PTPRN2: variants seen among roughly 807,000 people sequenced by gnomAD.
PTPRN2 encodes the protein protein tyrosine phosphatase receptor type N2, also known as receptor-type tyrosine-protein phosphatase N2.
In PTPRN2, 74 loss-of-function variants were observed where a neutral mutation model predicts 118.8. The observed-to-expected ratio is 0.62, with a 90% CI of 0.52 to 0.76. PTPRN2 has a LOEUF of 0.76. PTPRN2 is among the 30% of genes least tolerant of loss of function. PTPRN2 has a pLI of 0.00. For synonymous variants in PTPRN2, 641 were observed against 608.0 expected, an observed-to-expected ratio of 1.05 and a Z score of -0.80; for missense variants, 1,481 against 1,394.4, an observed-to-expected ratio of 1.06 and a Z score of -0.99.
intron 6 of PTPRN2, among the ~76,000 whole-genome samples, chr7:158,166,721 G>A (rs772736673): frequency 3.9e-5 from 6 of 152,190 alleles, no homozygotes; most frequent in East Asian, 1.9e-4. Flanking sequence ...TTCCCAGGAC[G>A]TGAAATGACC....
At chr7:158,159,324 C>T (rs1822150337) in intron 6 of PTPRN2, among the ~76,000 whole-genome samples, 1 of 152,274 alleles carries the variant, frequency 6.6e-6, no homozygotes, top group African/African-American at 2.4e-5. Context: ...GAGTGCACTT[C>T]CCACATGAAC....
chr7:157,610,066 G>A lies in PTPRN2; in HGVS notation c.2345-5991C>T, dbSNP rs962021273. Among the ~76,000 whole-genome samples the A allele has an allele frequency of 3.3e-5, 5 of 152,178 alleles. No individual in the cohort carries two copies. Among genetic ancestry groups the A allele is most frequent in the Non-Finnish European group, 5.9e-5 (4 of 68,030 alleles). On this transcript the variant is annotated intron_variant, in intron 15 of 22. Coordinates refer to ENST00000389418, the MANE Select transcript of PTPRN2 (RefSeq NM_002847.5). The surrounding 1 kb of genome is among the most constrained non-coding windows in gnomAD (Gnocchi z 5.1). ...TCTTGCTACACAGATCCCTGAGGAC[G>A]GCATTCCCCCAGGCCTCCTGGCTTG...
rs993309888 is a variant in PTPRN2, at chr7:158,093,090, A to T, written c.1644-11713T>A. ...GGCTGAGAGCCTTCTGCGAGGCACG[A>T]GTATAAGTGTGAGACCCACACGCAG... is the stretch of plus-strand genomic sequence containing the variant. On this transcript the variant is annotated intron_variant, in intron 10 of 22. Coordinates refer to ENST00000389418, the MANE Select transcript of PTPRN2 (RefSeq NM_002847.5). The surrounding 1 kb of genome is among the most constrained non-coding windows in gnomAD (Gnocchi z 4.4). Among the ~76,000 whole-genome samples, 2 of 152,168 alleles carry T rather than the reference A, an allele frequency of 1.3e-5. No homozygotes were observed. Among genetic ancestry groups the T allele is most frequent in the African/African-American group, 4.8e-5 (2 of 41,432 alleles).
At chr7:157,577,910 C>G in intron 18 of PTPRN2, 111 bp downstream of exon 18, 1 of 1,359,176 alleles carries the variant, frequency 7.4e-7, no homozygotes. Context: ...GTGCGCTGAG[C>G]CTCCCTGCAT....
intron 12 of PTPRN2, among the ~76,000 whole-genome samples, chr7:157,832,511 C>A (rs962159383): frequency 2.0e-5 from 3 of 152,194 alleles, no homozygotes; most frequent in African/African-American, 7.2e-5. Context: ...TTCACCCACG[C>A]TTTGCCTGAC....
At chr7:157,661,470 CG>C (rs1252849989) in intron 13 of PTPRN2, among the ~76,000 whole-genome samples, 1 of 143,896 alleles carries the variant, frequency 6.9e-6, no homozygotes, top group Non-Finnish European at 1.6e-5. Flanking sequence ...CGCCTGGGAA[CG>C]GGGGCGGGTG....
At chr7:157,577,933 G>A in intron 18 of PTPRN2, 88 bp downstream of exon 18, 1 of 1,426,064 alleles carries the variant, frequency 7.0e-7, no homozygotes. Context: ...GGCCCTGGGG[G>A]GCCCTAACGA....
At chr7:158,149,905 G>T (rs1023749585) in intron 6 of PTPRN2, among the ~76,000 whole-genome samples, 2 of 151,106 alleles carry the variant, frequency 1.3e-5, no homozygotes, top group African/African-American at 4.9e-5. Context: ...AAAGTGGCAA[G>T]AATATATTTT....
chr7:158,134,224 T>C (rs1291258046), intron 8 of PTPRN2, among the ~76,000 whole-genome samples, 165 bp from the exon 9 acceptor site: 1 of 152,166 alleles, frequency 6.6e-6, no homozygotes, highest in Non-Finnish European at 1.5e-5. Flanking sequence ...TTTAGAATGA[T>C]GTCTAGCCGA....
chr7:158,128,620 C>T (rs556398019), intron 9 of PTPRN2, among the ~76,000 whole-genome samples: 7 of 152,286 alleles, frequency 4.6e-5, no homozygotes, highest in Non-Finnish European at 1.0e-4. Context: ...AGACAGGGGC[C>T]CTCCTGTCCT....
At chr7:158,150,150 C>T (rs1414104865) in intron 6 of PTPRN2, among the ~76,000 whole-genome samples, 2 of 152,222 alleles carry the variant, frequency 1.3e-5, no homozygotes, top group African/African-American at 2.4e-5. Context: ...CAATGCTGTT[C>T]CCTGCAGGCT....
At chr7:158,214,381 C>T (rs944240335) in intron 3 of PTPRN2, among the ~76,000 whole-genome samples, 9 of 146,520 alleles carry the variant, frequency 6.1e-5, no homozygotes, top group East Asian at 2.0e-4. Flanking sequence ...GGCCGCAATC[C>T]GGAAACACCA....
intron 12 of PTPRN2, among the ~76,000 whole-genome samples, chr7:157,841,415 G>T (rs1037921395): frequency 6.6e-6 from 1 of 152,190 alleles, no homozygotes; most frequent in South Asian, 2.1e-4. Flanking sequence ...CAAACTTACC[G>T]TATTGTACGT....
chr7:158,543,325 G>A (rs959583168), intron 1 of PTPRN2, among the ~76,000 whole-genome samples: 5 of 152,284 alleles, frequency 3.3e-5, no homozygotes, highest in East Asian at 1.9e-4. Flanking sequence ...GAGGGAAGCC[G>A]CCATCAGCTC....
intron 12 of PTPRN2, among the ~76,000 whole-genome samples, chr7:157,789,660 T>G (rs544946048): frequency 1.6e-5 from 2 of 121,550 alleles, no homozygotes; most frequent in East Asian, 4.9e-4. Flanking sequence ...GTGATATGTG[T>G]GTGTGGTATG....
At chr7:158,146,007 A>C (rs1410195385) in intron 6 of PTPRN2, among the ~76,000 whole-genome samples, 1 of 152,164 alleles carries the variant, frequency 6.6e-6, no homozygotes, top group African/African-American at 2.4e-5. Context: ...AATAAATTAT[A>C]ACTATTATCA....
intron 15 of PTPRN2, among the ~76,000 whole-genome samples, chr7:157,605,532 G>C (rs111473007): frequency 6.0e-4 from 91 of 152,334 alleles, no homozygotes; most frequent in African/African-American, 2.0e-3. Flanking sequence ...CCCACCATTC[G>C]ACAGGTCCTG....
At position 157,550,043 on chromosome 7, in the gene PTPRN2, G is replaced by T. The variant is rs568897419; in HGVS notation, c.2903-1024C>A. Among the ~76,000 whole-genome samples, 1 of 152,358 alleles carries T rather than the reference G, an allele frequency of 6.6e-6. No individual in the cohort carries two copies. The highest frequency in any genetic ancestry group is 2.1e-4 in the South Asian group (1 of 4,832). On this transcript the variant is annotated intron_variant, in intron 21 of 22. Coordinates refer to ENST00000389418, the MANE Select transcript of PTPRN2 (RefSeq NM_002847.5). The surrounding 1 kb of genome is among the most constrained non-coding windows in gnomAD (Gnocchi z 5.2). ...CCCCAACTACCGTGGGCAGGACAGC[G>T]CTGGCCGAAGACCTGAGGAGGCCCG...
intron 12 of PTPRN2, among the ~76,000 whole-genome samples, chr7:157,809,780 G>A (rs530425087): frequency 8.7e-4 from 132 of 152,198 alleles, no homozygotes; most frequent in African/African-American, 2.8e-3. Flanking sequence ...CCGCGGTCCC[G>A]TCAGACAATT....
Sources: gnomAD v4.1 joint callset for allele counts (sites outside exome capture counted in the v4.1 genomes callset) on GRCh38, gnomAD v4.1.1 for gene constraint, Gnocchi (gnomAD v3.1) non-coding constraint, MANE v1.5 for transcripts, NCBI Gene and HGNC (gene_info 2026-07-23, HGNC 2026-07-21) for gene names.